RIPOR2: variants seen among roughly 807,000 people sequenced by gnomAD.
RIPOR2 encodes the protein RHO family interacting cell polarization regulator 2.
Under a neutral mutation model 114.5 loss-of-function variants are expected in RIPOR2, and 39 were observed. The observed-to-expected ratio is 0.34, with a 90% CI of 0.26 to 0.44. RIPOR2 has a LOEUF of 0.44. RIPOR2 is among the 20% of genes least tolerant of loss of function. RIPOR2 has a pLI of 1.00. For missense variants in RIPOR2, 1,007 were observed against 1,255.1 expected (o/e 0.80, Z 2.99); for synonymous variants, 445 against 484.4 (o/e 0.92, Z 1.07).
At chr6:24,986,356 C>T (rs1774527891) in intron 1 of RIPOR2, among the ~76,000 whole-genome samples, 1 of 152,168 alleles carries the variant, frequency 6.6e-6, no homozygotes. Context: ...TTGGAGGACT[C>T]ATAAGTAAAG....
rs181467856 is a variant in RIPOR2 at position 24,970,699 on chromosome 6, G to A, written c.76+71152C>T. Among the ~76,000 whole-genome samples, 940 of 152,282 alleles carry A rather than the reference G, an allele frequency of 6.2e-3. 11 individuals are homozygous for A. The highest frequency in any genetic ancestry group is 0.022 in the African/African-American group (902 of 41,554). ...TGTGAGTGTGTATTTAAGGAACTGCGGGGTGGGGAAAGGGTCAGAGATTCT... is the reference window on the plus strand; with the variant it reads ...TGTGAGTGTGTATTTAAGGAACTGCAGGGTGGGGAAAGGGTCAGAGATTCT... On this transcript the variant is annotated intron_variant, in intron 1 of 13. Coordinates refer to the RIPOR2 transcript ENST00000510784.
chr6:24,980,528 C>T (rs537436934), intron 1 of RIPOR2, among the ~76,000 whole-genome samples: 48 of 152,298 alleles, frequency 3.2e-4, no homozygotes, highest in African/African-American at 1.1e-3. Flanking sequence ...CCATCTCTCT[C>T]CTTGCTCTTG....
upstream of RIPOR2, among the ~76,000 whole-genome samples, chr6:24,936,782 C>T (rs909528492): frequency 2.6e-5 from 4 of 152,218 alleles, no homozygotes; most frequent in Non-Finnish European, 5.9e-5. Context: ...ACACATCTCT[C>T]TGAGTAATAC....
chr6:24,919,278 A>G lies in RIPOR2; in HGVS notation c.61+16560T>C, dbSNP rs114397700. Among the ~76,000 whole-genome samples, 771 of 152,380 alleles carry G rather than the reference A, an allele frequency of 5.1e-3. 4 individuals are homozygous for G. The highest frequency in any genetic ancestry group is 7.1e-3 in the Non-Finnish European group (483 of 68,038). On this transcript the variant is annotated intron_variant, in intron 1 of 21. Coordinates refer to ENST00000643898, the MANE Select transcript of RIPOR2 (RefSeq NM_001286445.3). The stretch of plus-strand genomic sequence containing the variant: ...ACTGCTGTAATATCACTACGTTGAC[A>G]GTGCTCTTGCACCTAATAAATTATT...
At chr6:24,821,731 A>G (rs1009590064) in intron 19 of RIPOR2, among the ~76,000 whole-genome samples, 4 of 152,218 alleles carry the variant, frequency 2.6e-5, no homozygotes, top group African/African-American at 9.6e-5. Context: ...CTACACAGGG[A>G]CTAGCCTCCA....
intron 19 of RIPOR2, among the ~76,000 whole-genome samples, chr6:24,822,901 T>C (rs1759825820): frequency 6.6e-6 from 1 of 152,218 alleles, no homozygotes; most frequent in Admixed American, 6.5e-5. Context: ...TGGTGGCTGC[T>C]TAGATTCATA....
At chr6:24,860,628 A>G (rs1052478415) in intron 8 of RIPOR2, among the ~76,000 whole-genome samples, 1 of 152,214 alleles carries the variant, frequency 6.6e-6, no homozygotes, top group African/African-American at 2.4e-5. Context: ...GTTTTATTTC[A>G]TCAAAGGACT....
At chr6:24,863,755 A>T (rs1288345139) in intron 7 of RIPOR2, among the ~76,000 whole-genome samples, 2 of 152,238 alleles carry the variant, frequency 1.3e-5, no homozygotes, top group African/African-American at 4.8e-5. Context: ...ATATATGTTC[A>T]TGTCACATTA....
rs369796869 is a variant in RIPOR2 at position 24,973,904 on chromosome 6, T to G, written c.76+67947A>C. Among the ~76,000 whole-genome samples the G allele has an allele frequency of 9.2e-5, 14 of 152,144 alleles. No individual in the cohort carries two copies. The South Asian group carries it at 2.5e-3, about 27-fold the overall frequency. On this transcript the variant is annotated intron_variant, in intron 1 of 13. Coordinates refer to the RIPOR2 transcript ENST00000510784. ...GTGGGAGCTAAATCTTGGGGACACA[T>G]GGACATAAAGATGGGAATGATAGAC...
At chr6:24,967,761 C>T (rs956445673) in intron 1 of RIPOR2, among the ~76,000 whole-genome samples, 19 of 152,106 alleles carry the variant, frequency 1.2e-4, no homozygotes, top group Non-Finnish European at 1.8e-4. Context: ...TAGGCATTCT[C>T]ATTATTTTCC....
chr6:24,890,401 GAA>G (rs1354792649), intron 1 of RIPOR2, among the ~76,000 whole-genome samples: 1 of 152,158 alleles, frequency 6.6e-6, no homozygotes, highest in Non-Finnish European at 1.5e-5. Context: ...CTCAGACACA[GAA>G]AGACAAATAC....
At chr6:24,911,010 C>T in intron 1 of RIPOR2, 1 of 984,290 alleles carries the variant, frequency 1.0e-6, no homozygotes, top group African/African-American at 1.7e-5. Context: ...CGCCGGCTGC[C>T]CTGCCGCGTC....
rs117850717 is a variant in RIPOR2 at position 24,997,580 on chromosome 6, C to T, written c.76+44271G>A. Among the ~76,000 whole-genome samples the T allele has an allele frequency of 8.1e-4, 123 of 152,312 alleles. 3 individuals carry two copies. In the East Asian group the frequency reaches 0.018, roughly 22 times the overall value. On this transcript the variant is annotated intron_variant, in intron 1 of 13. Transcript: ENST00000510784. ...GGCATTGTAGGATGTTTTGAAGCAT[C>T]TCTGGCCCCTACCCACTAGATGCCA...
chr6:25,025,478 TA>T (rs35945688), intron 1 of RIPOR2, among the ~76,000 whole-genome samples: 3 of 151,202 alleles, frequency 2.0e-5, no homozygotes, highest in African/African-American at 4.9e-5. Context: ...ATAGGACCTT[TA>T]AAAAAAAATG....
chr6:25,027,137 T>A (rs769870850), intron 1 of RIPOR2, among the ~76,000 whole-genome samples: 4 of 152,220 alleles, frequency 2.6e-5, no homozygotes, highest in Non-Finnish European at 5.9e-5. Flanking sequence ...ATTCTATTTT[T>A]AAAATAATAA....
chr6:24,921,120 C>T (rs1021984107), intron 1 of RIPOR2, among the ~76,000 whole-genome samples: 2 of 151,922 alleles, frequency 1.3e-5, no homozygotes, highest in African/African-American at 4.8e-5. Flanking sequence ...ACCTATAAGG[C>T]TTTACAGGAG....
At chr6:24,895,413 G>C (rs1314438950) in intron 1 of RIPOR2, among the ~76,000 whole-genome samples, 1 of 150,928 alleles carries the variant, frequency 6.6e-6, no homozygotes, top group Non-Finnish European at 1.5e-5. Flanking sequence ...ACTTAGTCTG[G>C]GGTGGGGCCT....
chr6:24,805,863 C>T lies in RIPOR2; in HGVS notation c.*510G>A, dbSNP rs1780743028. 1.3e-5 allele frequency: 2 copies of T among 153,710 alleles called. No individual in the cohort carries two copies. Among genetic ancestry groups the T allele is most frequent in the Non-Finnish European group, 2.9e-5 (2 of 69,252 alleles). 9.5% of individuals were successfully genotyped at this position (153,710 alleles called of 1,614,324 possible). The stretch of plus-strand genomic sequence containing the variant: ...TAATATATTTGAATTATACCATAGC[C>T]CTATTCTATATTGGCCAAAGGAAAA... On this transcript the variant is annotated 3_prime_UTR_variant, in exon 22 of 22. Coordinates refer to ENST00000643898, the MANE Select transcript of RIPOR2 (RefSeq NM_001286445.3).
chr6:24,958,753 C>G (rs937057201), intron 1 of RIPOR2, among the ~76,000 whole-genome samples: 2 of 152,042 alleles, frequency 1.3e-5, no homozygotes, highest in East Asian at 1.9e-4. Context: ...GTACCACAAA[C>G]TGGGTGGCTG....
Sources: allele counts gnomAD v4.1 joint callset (sites outside exome capture counted in the v4.1 genomes callset), GRCh38; gene constraint gnomAD v4.1.1; transcripts MANE v1.5; gene names NCBI Gene and HGNC (gene_info 2026-07-23, HGNC 2026-07-21).